The following UNC79 variants were observed in gnomAD, a reference collection of about 807,000 sequenced individuals.
UNC79 encodes the protein unc-79 subunit of NALCN channel complex.
A neutral mutation model predicts 283.1 loss-of-function variants in UNC79; 37 were observed. That is an observed-to-expected ratio of 0.13 (90% CI 0.10 to 0.17). UNC79 has a LOEUF of 0.17. UNC79 is among the 10% of genes least tolerant of loss of function. UNC79 has a pLI of 1.00. For synonymous variants in UNC79, 1,107 were observed against 1,200.2 expected (o/e 0.92, Z 1.61); for missense variants, 2,272 against 3,211.1 (o/e 0.71, Z 7.07).
chr14:93,391,977 G>A lies in UNC79; in HGVS notation c.-351+58454G>A, dbSNP rs527366617. On this transcript the variant is annotated intron_variant, in intron 1 of 49. Coordinates refer to the UNC79 transcript ENST00000256339. ...ATATGAGCAAAGATGTAGAACAACT[G>A]GTAGAAGGGTAAATTGGCACAACAA... 2.6e-5 allele frequency among the ~76,000 whole-genome samples: 4 copies of A among 152,294 alleles called. No individual in the cohort carries two copies. The East Asian group carries it at 5.8e-4, about 22-fold the overall frequency.
At chr14:93,576,648 T>C (rs1242075507) in intron 17 of UNC79, among the ~76,000 whole-genome samples, 1 of 152,066 alleles carries the variant, frequency 6.6e-6, no homozygotes. Context: ...TAGAAAGTCC[T>C]TACACTCCCA....
chr14:93,519,802 G>C (rs1345190947), intron 7 of UNC79, among the ~76,000 whole-genome samples: 1 of 151,488 alleles, frequency 6.6e-6, no homozygotes, highest in Non-Finnish European at 1.5e-5. Flanking sequence ...ATAATGTAAG[G>C]CCTTTTTGTA....
chr14:93,547,249 T>G (rs1355550174), intron 14 of UNC79, among the ~76,000 whole-genome samples: 3 of 152,240 alleles, frequency 2.0e-5, no homozygotes, highest in Admixed American at 6.5e-5. Flanking sequence ...TTCATAACAT[T>G]TACCTATACA....
chr14:93,448,171 C>CT (rs57584416), intron 1 of UNC79, among the ~76,000 whole-genome samples: 6,527 of 131,104 alleles, frequency 0.05, 397 homozygotes, highest in African/African-American at 0.15. Context: ...AGACTCGGTT[C>CT]TTTTTTTTTT....
intron 32 of UNC79, among the ~76,000 whole-genome samples, chr14:93,637,806 C>T (rs1271213050): frequency 6.6e-6 from 1 of 152,214 alleles, no homozygotes; most frequent in African/African-American, 2.4e-5. Flanking sequence ...CTTTCTGGAC[C>T]AGACATTCCT....
rs533983437 is a variant in UNC79, at chr14:93,341,138, A to G, written c.-351+7615A>G. Among the ~76,000 whole-genome samples, 4 of 152,284 alleles carry G rather than the reference A, an allele frequency of 2.6e-5. No homozygotes were observed. The South Asian group carries it at 6.2e-4, about 24-fold the overall frequency. On this transcript the variant is annotated intron_variant, in intron 1 of 49. Transcript: ENST00000256339. The stretch of plus-strand genomic sequence containing the variant: ...TATCTAGATGTAATTCAGGAGAAGA[A>G]GAGGAATGTGAAATTTAAAAATGAA...
chr14:93,552,969 G>A (rs767016739), intron 14 of UNC79, among the ~76,000 whole-genome samples: 10 of 152,150 alleles, frequency 6.6e-5, no homozygotes, highest in South Asian at 2.1e-4. Flanking sequence ...GGGTTTTATC[G>A]GCTTTAGAAG....
At chr14:93,335,834 T>C (rs2053567023) in intron 1 of UNC79, among the ~76,000 whole-genome samples, 1 of 152,244 alleles carries the variant, frequency 6.6e-6, no homozygotes, top group Admixed American at 6.5e-5. Context: ...TTTTCATTTT[T>C]AGAAGCCATT....
chr14:93,696,588 A>G (rs2140999145), intron 47 of UNC79, among the ~76,000 whole-genome samples: 1 of 152,224 alleles, frequency 6.6e-6, no homozygotes, highest in African/African-American at 2.4e-5. Context: ...GCATCTTTTC[A>G]TGTACTTATT....
intron 14 of UNC79, among the ~76,000 whole-genome samples, chr14:93,566,427 G>T (rs1009337039): frequency 6.6e-6 from 1 of 152,120 alleles, no homozygotes; most frequent in African/African-American, 2.4e-5. Flanking sequence ...GACATCAGGG[G>T]TAAGGTGTGC....
At chr14:93,695,890 CAAAAAAAAA>C (rs535235954) in intron 47 of UNC79, among the ~76,000 whole-genome samples, 1 of 39,440 alleles carries the variant, frequency 2.5e-5, no homozygotes, top group Non-Finnish European at 4.7e-5. Flanking sequence ...GACTTTGTCT[CAAAAAAAAA>C]AAAAAAAAAA....
At position 93,686,208 on chromosome 14, in the gene UNC79, G is replaced by A; in HGVS notation, c.6820-364G>A. Among the ~76,000 whole-genome samples, 2 of 152,090 alleles carry A rather than the reference G, an allele frequency of 1.3e-5. 1 individual carries two copies. The highest frequency in any genetic ancestry group is 6.4e-3 in the Middle Eastern group (2 of 314). ...AATGAGAATGTGTTGCTATGTTTTG[G>A]GATGAATGATGTCCTAAAGACTCTG... On this transcript the variant is annotated intron_variant, in intron 42 of 48. Transcript: ENST00000555664.
chr14:93,657,860 A>C (rs900316768), intron 38 of UNC79, among the ~76,000 whole-genome samples: 7 of 152,230 alleles, frequency 4.6e-5, no homozygotes, highest in African/African-American at 1.4e-4. Flanking sequence ...AGAATGTGCC[A>C]GTCCTTCTAT....
chr14:93,659,844 C>T (rs932891641), intron 39 of UNC79, among the ~76,000 whole-genome samples: 2 of 152,186 alleles, frequency 1.3e-5, no homozygotes, highest in African/African-American at 4.8e-5. Flanking sequence ...TAGGCCATTT[C>T]CTTTGCCTGA....
chr14:93,449,331 C>T lies in UNC79; in HGVS notation c.22+18280C>T, dbSNP rs115482425. Among the ~76,000 whole-genome samples, 730 of 152,268 alleles carry T rather than the reference C, an allele frequency of 4.8e-3. 7 individuals are homozygous for T. The highest frequency in any genetic ancestry group is 0.016 in the African/African-American group (678 of 41,550). ...AACTCTAGTCTCTGGTTTTTAGATT[C>T]GTTTCTTAAATAAATGGCTGCTGCC... On this transcript the variant is annotated intron_variant, in intron 1 of 48. Coordinates refer to ENST00000555664, the Ensembl canonical transcript of UNC79.
At chr14:93,658,995 G>A (rs1416853035) in intron 38 of UNC79, among the ~76,000 whole-genome samples, 198 bp from the exon 42 acceptor site, 1 of 152,062 alleles carries the variant, frequency 6.6e-6, no homozygotes, top group Non-Finnish European at 1.5e-5. Context: ...GTTTACCATT[G>A]TATAATTGTT....
At chr14:93,480,713 G>A (rs1490081045) in intron 4 of UNC79, among the ~76,000 whole-genome samples, 3 of 152,142 alleles carry the variant, frequency 2.0e-5, no homozygotes, top group African/African-American at 7.2e-5. Context: ...GGACTGATGT[G>A]AGAATGTGTG....
At chr14:93,678,898 C>T (rs1362028263) in intron 41 of UNC79, among the ~76,000 whole-genome samples, 1 of 152,120 alleles carries the variant, frequency 6.6e-6, no homozygotes, top group Non-Finnish European at 1.5e-5. Context: ...TTTCAGAGTC[C>T]AAATTGTTGA....
At chr14:93,705,854 G>A (rs1232004959) in intron 48 of UNC79, among the ~76,000 whole-genome samples, 1 of 152,226 alleles carries the variant, frequency 6.6e-6, no homozygotes, top group East Asian at 1.9e-4. Flanking sequence ...TGGAAGGAAA[G>A]CGGTATGAAC....
Sources: gnomAD v4.1 joint callset for allele counts (sites outside exome capture counted in the v4.1 genomes callset) on GRCh38, gnomAD v4.1.1 for gene constraint, MANE v1.5 for transcripts, NCBI Gene and HGNC (gene_info 2026-07-23, HGNC 2026-07-21) for gene names.